Variants in SLC36A1 observed in about 807,000 individuals in gnomAD.
SLC36A1 encodes the protein proton-coupled amino acid transporter 1.
SLC36A1 carries 30 observed loss-of-function variants against 47.5 expected under a neutral mutation model. The observed-to-expected ratio is 0.63, with a 90% CI of 0.47 to 0.86. The LOEUF (loss-of-function observed/expected upper bound fraction) is 0.86, where lower values mean the gene tolerates loss of function less well. Among genes scored for constraint, SLC36A1 ranks in the 40% least tolerant of loss-of-function variants. The pLI, the probability that SLC36A1 is intolerant of heterozygous loss-of-function variation, is 0.00. For missense variants in SLC36A1, 517 were observed against 606.0 expected (o/e 0.85, Z 1.54); for synonymous variants, 255 against 249.7 (o/e 1.02, Z -0.20).
intron 7 of SLC36A1, among the ~76,000 whole-genome samples, chr5:151,469,993 G>GTT (rs1038069903): frequency 6.6e-6 from 1 of 152,080 alleles, no homozygotes; most frequent in African/African-American, 2.4e-5. Flanking sequence ...ATTTTGCTCT[G>GTT]TGAGTATTGA....
the SLC36A1 span, chr5:151,543,101 G>A: frequency 6.2e-7 from 1 of 1,614,056 alleles, no homozygotes; most frequent in East Asian, 2.2e-5. Flanking sequence ...AGTCGTACTG[G>A]CACCAGAGAG....
the SLC36A1 span, among the ~76,000 whole-genome samples, chr5:151,500,117 A>G: frequency 6.6e-6 from 1 of 151,730 alleles, no homozygotes; most frequent in Non-Finnish European, 1.5e-5. Flanking sequence ...CTTGTTCTGA[A>G]CTCAGCCTGT....
chr5:151,360,214 A>G, the SLC36A1 span, among the ~76,000 whole-genome samples: 2 of 152,204 alleles, frequency 1.3e-5, no homozygotes, highest in Non-Finnish European at 2.9e-5. Context: ...TTGAAAATCC[A>G]TGTATAGCTT....
chr5:151,483,526 T>TGGG (rs373395419), intron 10 of SLC36A1, among the ~76,000 whole-genome samples: 1 of 140,754 alleles, frequency 7.1e-6, no homozygotes, highest in African/African-American at 2.8e-5. Flanking sequence ...GTGGGGGGGG[T>TGGG]GATTAGGGGA....
At chr5:151,477,199 T>C (rs1758192422) in intron 9 of SLC36A1, among the ~76,000 whole-genome samples, 1 of 152,152 alleles carries the variant, frequency 6.6e-6, no homozygotes, top group South Asian at 2.1e-4. Context: ...GTACCTCCCT[T>C]GCATTGGTGA....
intron 1 of SLC36A1, among the ~76,000 whole-genome samples, chr5:151,455,754 G>A (rs185722700): frequency 5.6e-4 from 86 of 152,326 alleles, no homozygotes; most frequent in Non-Finnish European, 1.1e-3. Flanking sequence ...CAAGTTGCCT[G>A]GGGGAGTGCG....
intron 8 of SLC36A1, among the ~76,000 whole-genome samples, chr5:151,474,898 C>T (rs564003775): frequency 6.6e-6 from 1 of 152,244 alleles, no homozygotes; most frequent in Non-Finnish European, 1.5e-5. Flanking sequence ...TTCCGAGACA[C>T]CTTATTTGCT....
At chr5:151,507,482 A>G in the SLC36A1 span, 1 of 1,614,156 alleles carries the variant, frequency 6.2e-7, no homozygotes, top group Non-Finnish European at 8.5e-7. Context: ...GAAGCCCGAC[A>G]GTGCTTATGA....
downstream of SLC36A1, among the ~76,000 whole-genome samples, chr5:151,492,732 C>T (rs942442256): frequency 1.3e-5 from 2 of 152,156 alleles, no homozygotes; most frequent in African/African-American, 2.4e-5. Flanking sequence ...GGTGTTGCTG[C>T]GAAGGTATTT....
At chr5:151,376,713 A>G in the SLC36A1 span, among the ~76,000 whole-genome samples, 3 of 151,992 alleles carry the variant, frequency 2.0e-5, no homozygotes, top group African/African-American at 7.3e-5. Context: ...GCTCACTGCA[A>G]CCTCTGCCTC....
the SLC36A1 span, chr5:151,517,656 A>T: frequency 1.4e-4 from 226 of 1,614,022 alleles, 1 homozygote; most frequent in Admixed American, 3.7e-3. Context: ...TGGTGAATAG[A>T]AGAATGGCCT....
chr5:151,399,719 C>G, the SLC36A1 span, among the ~76,000 whole-genome samples: 1 of 152,180 alleles, frequency 6.6e-6, no homozygotes, highest in Admixed American at 6.5e-5. Flanking sequence ...TTTCAGTTCT[C>G]TCATTTTACA....
chr5:151,466,787 T>C (rs73796593), intron 5 of SLC36A1, among the ~76,000 whole-genome samples: 1 of 152,186 alleles, frequency 6.6e-6, no homozygotes, highest in Non-Finnish European at 1.5e-5. Flanking sequence ...TCATGGTGTC[T>C]GTGCATGTGT....
rs1203767722 is a variant in SLC36A1 at position 151,481,815 on chromosome 5, AG to A, written c.1159+2327del. On this transcript the variant is annotated intron_variant, in intron 10 of 10. Transcript: ENST00000243389. ...ATTTTGTTATGATTTCATATCGGAC[AG>A]TATCTACTTCCAGCCCATATTTTTG... 1.7e-4 allele frequency among the ~76,000 whole-genome samples: 26 copies of A among 152,320 alleles called. No individual in the cohort carries two copies. The East Asian group carries it at 4.8e-3, about 28-fold the overall frequency.
chr5:151,370,145 A>G, the SLC36A1 span, among the ~76,000 whole-genome samples: 7 of 152,202 alleles, frequency 4.6e-5, no homozygotes, highest in African/African-American at 1.4e-4. Context: ...ATGTTCTCTG[A>G]ACTCACTGGA....
At chr5:151,526,018 C>T in the SLC36A1 span, 1 of 1,555,532 alleles carries the variant, frequency 6.4e-7, no homozygotes. Context: ...CCCGGTCCTT[C>T]CTTTCGCACG....
chr5:151,531,939 CG>C, the SLC36A1 span: 1 of 1,614,224 alleles, frequency 6.2e-7, no homozygotes, highest in East Asian at 2.2e-5. The surrounding 1 kb of genome is among the most constrained non-coding windows in gnomAD (Gnocchi z 5.7). Context: ...CGGCTGAATC[CG>C]GCAGAGAGTA....
the SLC36A1 span, among the ~76,000 whole-genome samples, chr5:151,399,944 C>T: frequency 2.0e-5 from 3 of 152,140 alleles, no homozygotes; most frequent in South Asian, 2.1e-4. Flanking sequence ...ATCCATGCTT[C>T]GTAGGTATTA....
At chr5:151,443,207 C>G (rs945410438), upstream of SLC36A1, among the ~76,000 whole-genome samples, 3 of 151,934 alleles carry the variant, frequency 2.0e-5, no homozygotes, top group African/African-American at 4.8e-5. Context: ...TCTTTAGAAA[C>G]CTTTATACTG....
Sources: gnomAD v4.1 joint callset for allele counts (sites outside exome capture counted in the v4.1 genomes callset) on GRCh38, gnomAD v4.1.1 for gene constraint, Gnocchi (gnomAD v3.1) non-coding constraint, MANE v1.5 for transcripts, NCBI Gene and HGNC (gene_info 2026-07-23, HGNC 2026-07-21) for gene names.